The following CTNNA3 variants were observed in gnomAD, a reference collection of about 807,000 sequenced individuals.
CTNNA3 encodes the protein catenin alpha 3, also known as catenin alpha-3.
CTNNA3 carries 76 observed loss-of-function variants against 95.7 expected under a neutral mutation model. That is an observed-to-expected ratio of 0.79 (90% CI 0.66 to 0.96). The LOEUF is 0.96. Among genes scored for constraint, CTNNA3 ranks in the 40% least tolerant of loss-of-function variants. The pLI, the probability that CTNNA3 is intolerant of heterozygous loss-of-function variation, is 0.00. For missense variants in CTNNA3, 1,191 were observed against 1,089.8 expected, an observed-to-expected ratio of 1.09 and a Z score of -1.31; for synonymous variants, 431 against 374.4, an observed-to-expected ratio of 1.15 and a Z score of -1.74.
chr10:66,088,705 T>A lies in CTNNA3; in HGVS notation c.1977+14452A>T, dbSNP rs373251890. Among the ~76,000 whole-genome samples, 310 of 152,236 alleles carry A rather than the reference T, an allele frequency of 2.0e-3. 1 individual carries two copies. Among genetic ancestry groups the A allele is most frequent in the African/African-American group, 6.8e-3 (284 of 41,564 alleles). On this transcript the variant is annotated intron_variant, in intron 14 of 17. Coordinates refer to ENST00000433211, the MANE Select transcript of CTNNA3 (RefSeq NM_013266.4). ...AAAGTGTTTGAGTATCAATTTTCCA[T>A]AAAAACTTTCTGACAATGGATATTA...
chr10:66,394,008 A>G (rs1203217277), intron 11 of CTNNA3, among the ~76,000 whole-genome samples: 11 of 152,080 alleles, frequency 7.2e-5, no homozygotes, highest in Non-Finnish European at 1.6e-4. Flanking sequence ...AGGGAAAATC[A>G]TAGGTTTAAA....
intron 1 of CTNNA3, among the ~76,000 whole-genome samples, chr10:67,657,754 G>A (rs895698862): frequency 6.6e-6 from 1 of 150,384 alleles, no homozygotes; most frequent in African/African-American, 2.5e-5. Flanking sequence ...GGCTGAGGCA[G>A]GAGAATCACT....
At chr10:66,415,490 G>T (rs2093139205) in intron 11 of CTNNA3, among the ~76,000 whole-genome samples, 1 of 152,068 alleles carries the variant, frequency 6.6e-6, no homozygotes, top group Non-Finnish European at 1.5e-5. Flanking sequence ...ATGGACCCAA[G>T]AACCCACTTA....
chr10:67,364,975 T>C (rs1048237837), intron 5 of CTNNA3, among the ~76,000 whole-genome samples: 3 of 152,112 alleles, frequency 2.0e-5, no homozygotes, highest in Non-Finnish European at 4.4e-5. Context: ...CATCAAACTA[T>C]ACTACAAGGC....
chr10:66,294,835 C>T (rs1214806658), intron 12 of CTNNA3, among the ~76,000 whole-genome samples: 4 of 151,730 alleles, frequency 2.6e-5, no homozygotes, highest in Non-Finnish European at 4.4e-5. Flanking sequence ...AGTCTATTCA[C>T]GTTGAGTTTC....
At position 65,917,342 on chromosome 10, in the gene CTNNA3, C is replaced by T. The variant is rs1478234970; in HGVS notation, c.*2988G>A. On this transcript the variant is annotated 3_prime_UTR_variant, in exon 18 of 18. Transcript: ENST00000433211. ...CAGAAACTGACTTAGAAACATTTTA[C>T]TTCAATAATTTTAATTTGTCATAAA... is the stretch of plus-strand genomic sequence containing the variant. The T allele has an allele frequency of 1.3e-5, 2 of 152,016 alleles. No individual in the cohort carries two copies. Among genetic ancestry groups the T allele is most frequent in the African/African-American group, 4.8e-5 (2 of 41,380 alleles). 9.4% of individuals were successfully genotyped at this position (152,016 alleles called of 1,614,324 possible). A position where few individuals can be genotyped will look rare whatever the true frequency, so the allele number is the denominator to read the frequency against.
chr10:66,986,883 T>C (rs1850756849), intron 7 of CTNNA3, among the ~76,000 whole-genome samples: 1 of 152,182 alleles, frequency 6.6e-6, no homozygotes, highest in African/African-American at 2.4e-5. Context: ...ACACTGTGAA[T>C]ACAGAAGTGC....
At chr10:66,285,124 C>T (rs2091562875) in intron 12 of CTNNA3, among the ~76,000 whole-genome samples, 1 of 151,802 alleles carries the variant, frequency 6.6e-6, no homozygotes, top group African/African-American at 2.4e-5. Flanking sequence ...TCCTTTATCA[C>T]ACATCACATG....
chr10:65,920,653 C>T (rs755740743), intron 17 of CTNNA3, 36 bp from the exon 18 acceptor site: 10 of 1,592,138 alleles, frequency 6.3e-6, no homozygotes, highest in South Asian at 1.1e-5. Flanking sequence ...GCTATTATTC[C>T]AGGAGGTTTT....
intron 13 of CTNNA3, among the ~76,000 whole-genome samples, chr10:66,194,893 T>A (rs1297719616): frequency 6.6e-6 from 1 of 152,150 alleles, no homozygotes; most frequent in Admixed American, 6.5e-5. Context: ...GTGAAGAGAA[T>A]CCCTCAGTAT....
intron 13 of CTNNA3, among the ~76,000 whole-genome samples, chr10:66,234,128 T>C (rs754560250): frequency 6.6e-6 from 1 of 152,208 alleles, no homozygotes; most frequent in Non-Finnish European, 1.5e-5. Flanking sequence ...ATATTTCTTG[T>C]GGTACTGATA....
At chr10:66,660,679 T>C (rs1172284124) in intron 9 of CTNNA3, among the ~76,000 whole-genome samples, 2 of 152,190 alleles carry the variant, frequency 1.3e-5, no homozygotes, top group Admixed American at 6.5e-5. Flanking sequence ...GAATGATTTC[T>C]CCTCAGCTGA....
At chr10:66,023,544 T>C (rs2079266688) in intron 15 of CTNNA3, among the ~76,000 whole-genome samples, 2 of 152,182 alleles carry the variant, frequency 1.3e-5, no homozygotes. Context: ...GCTCTCTTAC[T>C]AAAGAAATAT....
chr10:66,923,811 G>A (rs1846919672), intron 7 of CTNNA3, among the ~76,000 whole-genome samples: 1 of 152,132 alleles, frequency 6.6e-6, no homozygotes, highest in Non-Finnish European at 1.5e-5. Context: ...ATGTACAAAT[G>A]TTGAACATTA....
chr10:67,541,362 G>A (rs997064032), intron 3 of CTNNA3, among the ~76,000 whole-genome samples: 52 of 151,862 alleles, frequency 3.4e-4, no homozygotes, highest in African/African-American at 1.3e-3. Flanking sequence ...AACTGAGTCA[G>A]TTATTTTATT....
intron 7 of CTNNA3, among the ~76,000 whole-genome samples, chr10:66,893,834 T>C (rs1034812144): frequency 4.6e-5 from 7 of 152,100 alleles, no homozygotes; most frequent in African/African-American, 1.7e-4. Context: ...CAAGACTGAG[T>C]CCAAGGAAGT....
intron 9 of CTNNA3, among the ~76,000 whole-genome samples, chr10:66,638,291 G>C (rs1845402044): frequency 6.6e-6 from 1 of 151,978 alleles, no homozygotes; most frequent in Non-Finnish European, 1.5e-5. Context: ...ACATCTCTAA[G>C]GGTTGCTGGC....
chr10:67,727,125 T>TAG (rs1841238073), intron 1 of CTNNA3, among the ~76,000 whole-genome samples: 1 of 118,338 alleles, frequency 8.5e-6, no homozygotes, highest in African/African-American at 3.3e-5. Context: ...ATGATATAAT[T>TAG]ATATAATATA....
At chr10:66,588,180 A>T (rs968669860) in intron 10 of CTNNA3, among the ~76,000 whole-genome samples, 1 of 151,402 alleles carries the variant, frequency 6.6e-6, no homozygotes, top group Non-Finnish European at 1.5e-5. Context: ...TAGTGTTAAG[A>T]TCTGCCTCCA....
Sources: allele counts gnomAD v4.1 joint callset (sites outside exome capture counted in the v4.1 genomes callset), GRCh38; gene constraint gnomAD v4.1.1; transcripts MANE v1.5; gene names NCBI Gene and HGNC (gene_info 2026-07-23, HGNC 2026-07-21).